Variants in SLC25A26 observed in about 807,000 individuals in gnomAD.
SLC25A26 encodes the protein mitochondrial S-adenosylmethionine carrier protein.
Under a neutral mutation model 37.8 loss-of-function variants are expected in SLC25A26, and 36 were observed. That is an observed-to-expected ratio of 0.95 (90% CI 0.73 to 1.26). SLC25A26 has a LOEUF of 1.26. Among genes scored for constraint, SLC25A26 ranks in the 50% most tolerant of loss-of-function variants. The pLI, the probability that SLC25A26 is intolerant of heterozygous loss-of-function variation, is 0.00. For missense variants in SLC25A26, 390 were observed against 331.1 expected (o/e 1.18, Z -1.38); for synonymous variants, 129 against 122.5 (o/e 1.05, Z -0.35).
chr3:66,302,590 C>T (rs73833454), intron 5 of SLC25A26, among the ~76,000 whole-genome samples: 174 of 152,332 alleles, frequency 1.1e-3, no homozygotes, highest in African/African-American at 3.6e-3. Context: ...TCTGCACACT[C>T]ATACTCCACT....
intron 9 of SLC25A26, among the ~76,000 whole-genome samples, chr3:66,372,356 G>T (rs78971291): frequency 0.017 from 2,516 of 152,292 alleles, 33 homozygotes; most frequent in Admixed American, 0.025. Flanking sequence ...GGGATGGCAT[G>T]ATCGACTGGC....
At chr3:66,377,662 A>G (rs1361298956) in intron 9 of SLC25A26, 28 bp from the exon 10 acceptor site, 2 of 1,560,678 alleles carry the variant, frequency 1.3e-6, no homozygotes, top group African/African-American at 1.4e-5. Flanking sequence ...AATACGCACA[A>G]CATTAAAAAT....
At chr3:66,325,722 G>C (rs2075820828) in intron 5 of SLC25A26, among the ~76,000 whole-genome samples, 1 of 152,146 alleles carries the variant, frequency 6.6e-6, no homozygotes. Flanking sequence ...AAAGCACCAA[G>C]GAGGGCCCGG....
intron 1 of SLC25A26, among the ~76,000 whole-genome samples, chr3:66,165,612 A>G (rs556827162): frequency 4.6e-5 from 7 of 152,132 alleles, no homozygotes; most frequent in Non-Finnish European, 1.0e-4. Flanking sequence ...GAAACAAACT[A>G]ACTCACTTCT....
intron 5 of SLC25A26, among the ~76,000 whole-genome samples, chr3:66,307,105 T>A (rs1196460459): frequency 1.3e-5 from 2 of 152,230 alleles, no homozygotes; most frequent in African/African-American, 4.8e-5. Context: ...ATGGTTAAAC[T>A]AATTTACACT....
chr3:66,375,075 C>G (rs1192628522), intron 9 of SLC25A26, among the ~76,000 whole-genome samples: 1 of 152,154 alleles, frequency 6.6e-6, no homozygotes, highest in African/African-American at 2.4e-5. Context: ...GTAACAGCCT[C>G]ATTGCACATA....
intron 5 of SLC25A26, among the ~76,000 whole-genome samples, chr3:66,312,150 C>T (rs1468899162): frequency 6.6e-6 from 1 of 152,180 alleles, no homozygotes; most frequent in Non-Finnish European, 1.5e-5. Flanking sequence ...TCTATAAGCA[C>T]CTGACTGGGG....
At chr3:66,222,699 A>G (rs561242365) in intron 1 of SLC25A26, among the ~76,000 whole-genome samples, 18 of 152,298 alleles carry the variant, frequency 1.2e-4, no homozygotes, top group African/African-American at 4.3e-4. Context: ...AGTGAGATCC[A>G]TTTCGTCTGT....
chr3:66,331,377 A>G (rs1359739934), intron 5 of SLC25A26, among the ~76,000 whole-genome samples: 1 of 152,182 alleles, frequency 6.6e-6, no homozygotes, highest in Non-Finnish European at 1.5e-5. Flanking sequence ...TACTGTTTTC[A>G]TAAAGCATGG....
At chr3:66,193,252 C>T (rs1415765057) in intron 1 of SLC25A26, among the ~76,000 whole-genome samples, 4 of 152,050 alleles carry the variant, frequency 2.6e-5, no homozygotes, top group African/African-American at 9.7e-5. Flanking sequence ...TCCTTTACTA[C>T]AATTTGTTAT....
chr3:66,373,482 A>G (rs896720635), intron 9 of SLC25A26, among the ~76,000 whole-genome samples: 3 of 152,100 alleles, frequency 2.0e-5, no homozygotes, highest in Admixed American at 2.0e-4. Flanking sequence ...GTTTAGAAAT[A>G]AGTAAGGTAG....
chr3:66,181,742 C>A (rs528708774), intron 1 of SLC25A26, among the ~76,000 whole-genome samples: 3 of 151,700 alleles, frequency 2.0e-5, no homozygotes, highest in African/African-American at 4.8e-5. Context: ...AATTTGCAGT[C>A]CCTCTGAATT....
At chr3:66,186,183 C>T (rs1436277482) in intron 1 of SLC25A26, among the ~76,000 whole-genome samples, 3 of 151,842 alleles carry the variant, frequency 2.0e-5, no homozygotes, top group African/African-American at 7.3e-5. Context: ...TATTGACCCT[C>T]TATCTTGTCC....
At chr3:66,351,519 C>G (rs2076453097) in intron 6 of SLC25A26, among the ~76,000 whole-genome samples, 1 of 152,196 alleles carries the variant, frequency 6.6e-6, no homozygotes, top group Admixed American at 6.5e-5. Flanking sequence ...CTATCTTATC[C>G]TTTGACTTTG....
chr3:66,361,115 A>G (rs2076697930), intron 6 of SLC25A26, among the ~76,000 whole-genome samples: 1 of 152,232 alleles, frequency 6.6e-6, no homozygotes, highest in South Asian at 2.1e-4. Flanking sequence ...TTGATTTTTG[A>G]CAAAAGCAAG....
chr3:66,331,682 T>C (rs2075977526), intron 5 of SLC25A26, among the ~76,000 whole-genome samples: 3 of 152,342 alleles, frequency 2.0e-5, no homozygotes, highest in Middle Eastern at 3.4e-3. Context: ...AATGTCTTGT[T>C]ACTTTGGAAA....
At chr3:66,223,705 G>C (rs953291733) in intron 1 of SLC25A26, among the ~76,000 whole-genome samples, 6 of 152,178 alleles carry the variant, frequency 3.9e-5, no homozygotes, top group South Asian at 4.1e-4. Context: ...TAAACACACA[G>C]AGCAGAGCCT....
intron 5 of SLC25A26, among the ~76,000 whole-genome samples, chr3:66,280,823 A>G (rs963235135): frequency 2.6e-5 from 4 of 152,142 alleles, no homozygotes; most frequent in African/African-American, 9.7e-5. Context: ...TATTTTAAGT[A>G]AGTAGCAGAC....
At chr3:66,184,585 C>CTGCTCACCTTGAGTTTACTATGTATGACA (rs2070781013) in intron 1 of SLC25A26, among the ~76,000 whole-genome samples, 1 of 128,136 alleles carries the variant, frequency 7.8e-6, no homozygotes, top group Non-Finnish European at 1.7e-5. Flanking sequence ...TCACCTGACT[C>CTGCTCACCTTGAGTTTACTATGTATGACA]TGCTCACCTT....
Sources: gnomAD v4.1 joint callset for allele counts (sites outside exome capture counted in the v4.1 genomes callset) on GRCh38, gnomAD v4.1.1 for gene constraint, MANE v1.5 for transcripts, NCBI Gene and HGNC (gene_info 2026-07-23, HGNC 2026-07-21) for gene names.